RHOJ: variants seen among roughly 807,000 people sequenced by gnomAD.
The protein encoded by RHOJ is rho-related GTP-binding protein RhoJ.
In RHOJ, 11 loss-of-function variants were observed where a neutral mutation model predicts 23.4. The observed-to-expected ratio is 0.47, with a 90% CI of 0.30 to 0.78. The LOEUF is 0.78. Ranked by LOEUF, RHOJ falls within the 30% of genes least tolerant of loss-of-function variation. The pLI is 0.08. For missense variants in RHOJ, 254 were observed against 273.4 expected (o/e 0.93, Z 0.50); for synonymous variants, 102 against 102.7 (o/e 0.99, Z 0.04).
At chr14:63,248,387 A>G (rs1308142676) in intron 1 of RHOJ, among the ~76,000 whole-genome samples, 1 of 152,136 alleles carries the variant, frequency 6.6e-6, no homozygotes, top group African/African-American at 2.4e-5. Context: ...CCTAGATACC[A>G]GTGTTATGGA....
intron 1 of RHOJ, among the ~76,000 whole-genome samples, chr14:63,216,633 C>G (rs1894362434): frequency 6.6e-6 from 1 of 152,008 alleles, no homozygotes; most frequent in African/African-American, 2.4e-5. Flanking sequence ...GCTTTTTTTT[C>G]TAAACTAAAA....
chr14:63,291,254 C>A lies in RHOJ; in HGVS notation c.*230C>A, dbSNP rs1368470758. ...CTGCACGCTGTCTGAGAATGCTGGG[C>A]CTGGATTGCAGACAGTGCCGCTGCT... On this transcript the variant is annotated 3_prime_UTR_variant, in exon 5 of 5. Coordinates refer to ENST00000316754, the MANE Select transcript of RHOJ (RefSeq NM_020663.5). 2 of 559,854 alleles carry A rather than the reference C, an allele frequency of 3.6e-6. No homozygotes were observed. The highest frequency in any genetic ancestry group is 3.1e-5 in the East Asian group (1 of 31,780). The allele number at this position is 559,854 out of a possible 1,614,324, so 34.7% of individuals were successfully genotyped here.
chr14:63,259,629 G>T (rs1417828774), intron 1 of RHOJ, among the ~76,000 whole-genome samples: 1 of 152,244 alleles, frequency 6.6e-6, no homozygotes, highest in East Asian at 1.9e-4. Flanking sequence ...GTGAAAGATG[G>T]TCTTGCATAT....
intron 4 of RHOJ, 91 bp downstream of exon 4, chr14:63,283,307 C>A: frequency 9.8e-7 from 1 of 1,021,204 alleles, no homozygotes; most frequent in Non-Finnish European, 1.5e-6. Flanking sequence ...CTGGGTTTTG[C>A]TTTAAAGTGC....
chr14:63,239,005 G>A (rs1236712332), intron 1 of RHOJ, among the ~76,000 whole-genome samples: 1 of 152,192 alleles, frequency 6.6e-6, no homozygotes, highest in Non-Finnish European at 1.5e-5. Context: ...ACCCTAGGCT[G>A]GAAAGTGGGG....
At chr14:63,256,249 C>T (rs181817723) in intron 1 of RHOJ, among the ~76,000 whole-genome samples, 12 of 152,246 alleles carry the variant, frequency 7.9e-5, no homozygotes, top group Non-Finnish European at 1.5e-4. Context: ...GTGTCACTTA[C>T]TCCCTGCACT....
Position 63,257,876 on chromosome 14 carries a change from A to G in RHOJ, c.179-11234A>G, listed in dbSNP as rs1171366860. On this transcript the variant is annotated intron_variant, in intron 1 of 4. Coordinates refer to ENST00000316754, the MANE Select transcript of RHOJ (RefSeq NM_020663.5). ...ATCCCTCCATCCAGGGGAAGTCTCA[A>G]CCCCTCATCCACAGGGCTCCCTGGC... is the stretch of plus-strand genomic sequence containing the variant. Among the ~76,000 whole-genome samples, 11 of 148,320 alleles carry G rather than the reference A, an allele frequency of 7.4e-5. 1 individual carries two copies. Among genetic ancestry groups the G allele is most frequent in the Admixed American group, 7.4e-4 (11 of 14,856 alleles).
intron 1 of RHOJ, among the ~76,000 whole-genome samples, chr14:63,231,617 A>G (rs1894697349): frequency 6.6e-6 from 1 of 152,232 alleles, no homozygotes; most frequent in Non-Finnish European, 1.5e-5. Flanking sequence ...TGCAGTGGTG[A>G]CTTGATTTTA....
chr14:63,291,038 C>T lies in RHOJ; in HGVS notation c.*14C>T. 1 of 1,613,768 alleles carries T rather than the reference C, an allele frequency of 6.2e-7. No individual in the cohort carries two copies. The highest frequency in any genetic ancestry group is 8.5e-7 in the Non-Finnish European group (1 of 1,179,914). ...TCAATTATCTGAGGTTGTCTGGGAC[C>T]TGCCTCCACCCCATCCAGGGATGAG... is the stretch of plus-strand genomic sequence containing the variant. On this transcript the variant is annotated 3_prime_UTR_variant, in exon 5 of 5. Transcript: ENST00000316754.
At chr14:63,244,091 T>C (rs1894932908) in intron 1 of RHOJ, among the ~76,000 whole-genome samples, 1 of 152,204 alleles carries the variant, frequency 6.6e-6, no homozygotes, top group African/African-American at 2.4e-5. Flanking sequence ...TTCAGTCTTA[T>C]TAGTTCCAAC....
intron 1 of RHOJ, among the ~76,000 whole-genome samples, chr14:63,251,050 T>C (rs981023148): frequency 1.3e-5 from 2 of 152,094 alleles, no homozygotes; most frequent in Admixed American, 1.3e-4. Flanking sequence ...AAATAATTAA[T>C]TAATTAATTT....
chr14:63,239,597 T>C (rs1463908500), intron 1 of RHOJ, among the ~76,000 whole-genome samples: 1 of 152,236 alleles, frequency 6.6e-6, no homozygotes, highest in East Asian at 1.9e-4. Flanking sequence ...ATTCAAATTG[T>C]TGCTGAAAGT....
intron 1 of RHOJ, among the ~76,000 whole-genome samples, chr14:63,229,963 C>G (rs1894660892): frequency 6.6e-6 from 1 of 152,100 alleles, no homozygotes; most frequent in South Asian, 2.1e-4. Context: ...CAAATTTAGG[C>G]CGCTAAGAAT....
intron 1 of RHOJ, among the ~76,000 whole-genome samples, chr14:63,259,762 A>G (rs539372578): frequency 6.6e-6 from 1 of 152,348 alleles, no homozygotes; most frequent in African/African-American, 2.4e-5. Flanking sequence ...ACATATATTA[A>G]GAAATAAAAA....
chr14:63,219,747 C>T (rs913237272), intron 1 of RHOJ, among the ~76,000 whole-genome samples: 2 of 150,268 alleles, frequency 1.3e-5, no homozygotes, highest in East Asian at 2.0e-4. Context: ...ACCCAGGAGG[C>T]GGAGGTTGCA....
intron 2 of RHOJ, chr14:63,269,420 C>T (rs1427380295): frequency 1.4e-5 from 5 of 360,222 alleles, no homozygotes; most frequent in African/African-American, 2.1e-5. Context: ...CCATCAAAAA[C>T]CAGAATAACA....
chr14:63,265,653 A>C (rs1295109684), intron 1 of RHOJ, among the ~76,000 whole-genome samples: 2 of 152,260 alleles, frequency 1.3e-5, no homozygotes, highest in Non-Finnish European at 2.9e-5. Context: ...GACCCATGAC[A>C]CAGCCCCAGG....
At chr14:63,242,271 T>C (rs1017505591) in intron 1 of RHOJ, among the ~76,000 whole-genome samples, 6 of 152,206 alleles carry the variant, frequency 3.9e-5, no homozygotes, top group African/African-American at 1.4e-4. Context: ...GATTAAAAAT[T>C]AAAGGTTCCA....
At chr14:63,281,180 G>C (rs1566630236) in intron 3 of RHOJ, 45 bp downstream of exon 3, 2 of 1,559,674 alleles carry the variant, frequency 1.3e-6, no homozygotes, top group African/African-American at 1.4e-5. Context: ...TGCAAAAATG[G>C]GAAGACCCTT....
Sources: allele counts gnomAD v4.1 joint callset (sites outside exome capture counted in the v4.1 genomes callset), GRCh38; gene constraint gnomAD v4.1.1; transcripts MANE v1.5; gene names NCBI Gene and HGNC (gene_info 2026-07-23, HGNC 2026-07-21).